The following NDUFS4 variants were observed in gnomAD, a reference collection of about 807,000 sequenced individuals.
NDUFS4 encodes NADH:ubiquinone oxidoreductase subunit S4.
Under a neutral mutation model 24.3 loss-of-function variants are expected in NDUFS4, and 28 were observed. The observed-to-expected ratio is 1.15, with a 90% CI of 0.85 to 1.58. NDUFS4 has a LOEUF of 1.58. Ranked by LOEUF, NDUFS4 falls within the 40% of genes most tolerant of loss-of-function variation. The pLI is 0.00. For synonymous variants in NDUFS4, 93 were observed against 69.7 expected, an observed-to-expected ratio of 1.34 and a Z score of -1.67; for missense variants, 223 against 207.9, an observed-to-expected ratio of 1.07 and a Z score of -0.45.
intron 1 of NDUFS4, among the ~76,000 whole-genome samples, chr5:53,581,463 C>A (rs531854038): frequency 2.0e-5 from 3 of 152,130 alleles, no homozygotes; most frequent in African/African-American, 7.2e-5. Context: ...TTCATCAGTC[C>A]CCTCCTGACC....
rs371032722 is a variant in NDUFS4 at position 53,675,452 on chromosome 5, A to G, written c.425-7666A>G. On this transcript the variant is annotated intron_variant, in intron 4 of 4. Coordinates refer to ENST00000296684, the MANE Select transcript of NDUFS4 (RefSeq NM_002495.4). The stretch of plus-strand genomic sequence containing the variant: ...GCTGGGATTACAGGCGTGAGCCACC[A>G]CGCCAGGCCCAGAGTTCCCTAAAAA... Among the ~76,000 whole-genome samples, 67 of 152,164 alleles carry G rather than the reference A, an allele frequency of 4.4e-4. No homozygotes were observed. The East Asian group carries it at 6.2e-3, about 14-fold the overall frequency.
chr5:53,670,918 T>A (rs1387777127), intron 4 of NDUFS4, among the ~76,000 whole-genome samples: 1 of 151,330 alleles, frequency 6.6e-6, no homozygotes, highest in East Asian at 1.9e-4. Context: ...TATATAGATA[T>A]ATGGAATAGA....
chr5:53,560,670 C>A lies in NDUFS4; in HGVS notation c.8C>A (p.Ala3Glu), dbSNP rs771763568. The A allele has an allele frequency of 6.2e-7, 1 of 1,614,242 alleles. No homozygotes were observed. Among genetic ancestry groups the A allele is most frequent in the South Asian group, 1.1e-5 (1 of 91,084 alleles). The stretch of plus-strand genomic sequence containing the variant: ...GCGTTTGCCTGCAGCAAGATGGCGG[C>A]GGTGTCAATGTCAGTGGTACTGAGG... MA[A>E]VSMSVVLRQT... The change falls in exon 1 of 5, where the codon GCG becomes GAG. Residue 3 changes from alanine (A) to glutamate (E), a missense_variant. Ala to Glu is a moderately radical substitution (Grantham distance 107). Transcript: ENST00000296684.
chr5:53,658,936 C>T (rs1752243870), intron 4 of NDUFS4: 1 of 297,032 alleles, frequency 3.4e-6, no homozygotes, highest in Non-Finnish European at 6.3e-6. Flanking sequence ...TTTTGTTGAA[C>T]TTCAATTGAA....
At chr5:53,605,549 A>G (rs1750471972) in intron 2 of NDUFS4, among the ~76,000 whole-genome samples, 1 of 152,168 alleles carries the variant, frequency 6.6e-6, no homozygotes, top group South Asian at 2.1e-4. Context: ...AATCGGTTGC[A>G]TACTGTTGAA....
At chr5:53,660,810 G>A (rs914337998) in intron 4 of NDUFS4, among the ~76,000 whole-genome samples, 2 of 152,190 alleles carry the variant, frequency 1.3e-5, no homozygotes, top group African/African-American at 4.8e-5. Flanking sequence ...TTTGAGAAGT[G>A]TCTGTTCATA....
At chr5:53,562,869 A>C (rs570518903) in intron 1 of NDUFS4, among the ~76,000 whole-genome samples, 11 of 152,300 alleles carry the variant, frequency 7.2e-5, no homozygotes, top group Non-Finnish European at 1.0e-4. Flanking sequence ...ATCATGTAAC[A>C]TTTCAGATCA....
chr5:53,588,352 G>A (rs1429433254), intron 1 of NDUFS4, among the ~76,000 whole-genome samples: 1 of 152,106 alleles, frequency 6.6e-6, no homozygotes. Context: ...GTGAACATTT[G>A]TTTCTCCGCA....
rs202054096 is a variant in NDUFS4 at position 53,660,628 on chromosome 5, T to C, written c.424+2004T>C. Reference sequence around the variant, plus strand: ...TGCAGTCCCACCGACAGTGTAAAAGTGTTCCTTTTTCTCCACATCCTCTCC... The same window carrying C: ...TGCAGTCCCACCGACAGTGTAAAAGCGTTCCTTTTTCTCCACATCCTCTCC... On this transcript the variant is annotated intron_variant, in intron 4 of 4. Coordinates refer to ENST00000296684, the MANE Select transcript of NDUFS4 (RefSeq NM_002495.4). Among the ~76,000 whole-genome samples the C allele has an allele frequency of 2.3e-4, 35 of 152,152 alleles. No homozygotes were observed. The East Asian group carries it at 4.3e-3, about 18-fold the overall frequency.
At chr5:53,644,410 C>T (rs570367146) in intron 2 of NDUFS4, among the ~76,000 whole-genome samples, 6 of 151,810 alleles carry the variant, frequency 4.0e-5, no homozygotes, top group African/African-American at 9.7e-5. Flanking sequence ...GCTGAGGAAA[C>T]GAGACAGATT....
intron 4 of NDUFS4, among the ~76,000 whole-genome samples, chr5:53,663,452 T>C (rs558139507): frequency 8.7e-4 from 132 of 152,288 alleles, no homozygotes; most frequent in Admixed American, 2.6e-3. Context: ...CCCATTGTTA[T>C]TGCGTGGGAG....
intron 1 of NDUFS4, among the ~76,000 whole-genome samples, chr5:53,584,707 T>C (rs147129105): frequency 6.6e-6 from 1 of 152,312 alleles, no homozygotes; most frequent in Non-Finnish European, 1.5e-5. Context: ...GTTAGATCTT[T>C]TAAACTTCTC....
intron 3 of NDUFS4, 49 bp from the exon 4 acceptor site, chr5:53,658,502 T>C (rs750214548): frequency 1.6e-6 from 2 of 1,265,580 alleles, no homozygotes; most frequent in African/African-American, 2.9e-5. Flanking sequence ...ATTTTGTTTC[T>C]CAGCTAAAGC....
intron 2 of NDUFS4, among the ~76,000 whole-genome samples, chr5:53,617,814 T>C (rs1450508970): frequency 1.3e-5 from 2 of 152,226 alleles, no homozygotes; most frequent in African/African-American, 4.8e-5. Context: ...CATGGGATAA[T>C]GGCAAGATCA....
intron 2 of NDUFS4, chr5:53,604,800 C>T (rs1561357106): frequency 2.2e-6 from 1 of 456,272 alleles, no homozygotes; most frequent in Non-Finnish European, 4.4e-6. Context: ...CTTTTTCCTG[C>T]TTCAAGGCAT....
At chr5:53,661,615 G>A (rs1009782024) in intron 4 of NDUFS4, among the ~76,000 whole-genome samples, 1 of 152,132 alleles carries the variant, frequency 6.6e-6, no homozygotes, top group Admixed American at 6.5e-5. Flanking sequence ...TCACGATATT[G>A]ATTCTTCCTA....
At chr5:53,563,503 AT>A (rs199700887) in intron 1 of NDUFS4, among the ~76,000 whole-genome samples, 19,838 of 142,472 alleles carry the variant, frequency 0.14, 1,415 homozygotes, top group Middle Eastern at 0.19. Context: ...AATTGTCTAC[AT>A]TTTTTTTTTT....
intron 1 of NDUFS4, among the ~76,000 whole-genome samples, chr5:53,599,469 C>G (rs2112452219): frequency 6.6e-6 from 1 of 152,056 alleles, no homozygotes; most frequent in East Asian, 1.9e-4. Flanking sequence ...AAAATGCTAC[C>G]TCATTGTGTT....
chr5:53,578,142 G>A (rs2112423672), intron 1 of NDUFS4, among the ~76,000 whole-genome samples: 1 of 152,280 alleles, frequency 6.6e-6, no homozygotes, highest in East Asian at 1.9e-4. Flanking sequence ...GATACAACAT[G>A]CATCTGAGTT....
Sources: allele counts gnomAD v4.1 joint callset (sites outside exome capture counted in the v4.1 genomes callset), GRCh38; gene constraint gnomAD v4.1.1; transcripts MANE v1.5; gene names NCBI Gene and HGNC (gene_info 2026-07-23, HGNC 2026-07-21).